Variants in PARD3B observed in about 807,000 individuals in gnomAD.
PARD3B encodes par-3 family cell polarity regulator beta, also known as partitioning defective 3 homolog B.
PARD3B carries 103 observed loss-of-function variants against 130.2 expected under a neutral mutation model. The ratio of observed to expected loss-of-function variants is 0.79; its 90% CI spans 0.67 to 0.93. The LOEUF is 0.93. PARD3B is among the 40% of genes least tolerant of loss of function. The pLI, the probability that PARD3B is intolerant of heterozygous loss-of-function variation, is 0.00. For missense variants in PARD3B, 1,609 were observed against 1,499.2 expected (o/e 1.07, Z -1.21); for synonymous variants, 583 against 553.2 (o/e 1.05, Z -0.76).
intron 2 of PARD3B, 150 bp downstream of exon 2, chr2:204,686,432 T>C: frequency 1.6e-6 from 1 of 630,200 alleles, no homozygotes; most frequent in Non-Finnish European, 2.8e-6. Flanking sequence ...AAATCAAAGT[T>C]CTTCATCAGA....
intron 3 of PARD3B, among the ~76,000 whole-genome samples, chr2:205,037,013 A>C (rs1441166786): frequency 6.6e-6 from 1 of 150,440 alleles, no homozygotes. Flanking sequence ...ATATATAAAA[A>C]ATATATACAT....
chr2:205,031,356 G>A (rs1005528035), intron 3 of PARD3B, among the ~76,000 whole-genome samples: 3 of 152,162 alleles, frequency 2.0e-5, no homozygotes, highest in African/African-American at 7.2e-5. Context: ...GCTTATAAGG[G>A]CAATTCCTCC....
chr2:204,893,091 G>A (rs2046509025), intron 2 of PARD3B, among the ~76,000 whole-genome samples: 1 of 152,168 alleles, frequency 6.6e-6, no homozygotes, highest in African/African-American at 2.4e-5. Context: ...CTATGTGTCA[G>A]AGAAAGGTTG....
At position 205,078,678 on chromosome 2, in the gene PARD3B, G is replaced by T. The variant is rs928208579; in HGVS notation, c.505-25748G>T. Among the ~76,000 whole-genome samples, 12 of 152,140 alleles carry T rather than the reference G, an allele frequency of 7.9e-5. No homozygotes were observed. The highest frequency in any genetic ancestry group is 2.9e-4 in the African/African-American group (12 of 41,418). Reference sequence around the variant, plus strand: ...TCTAATGTCCTCTCTTCTTGAATCTGGACTGGCCCAGTGACTTAATTGAAA... The same window carrying T: ...TCTAATGTCCTCTCTTCTTGAATCTTGACTGGCCCAGTGACTTAATTGAAA... On this transcript the variant is annotated intron_variant, in intron 4 of 22. Transcript: ENST00000406610. The surrounding 1 kb of genome is among the most constrained non-coding windows in gnomAD (Gnocchi z 4.0).
rs1436063109 is a variant in PARD3B at position 205,183,101 on chromosome 2, A to C, written c.1925-2663A>C. Among the ~76,000 whole-genome samples the C allele has an allele frequency of 1.3e-5, 2 of 152,122 alleles. No individual in the cohort carries two copies. The highest frequency in any genetic ancestry group is 4.8e-5 in the African/African-American group (2 of 41,428). On this transcript the variant is annotated intron_variant, in intron 13 of 22. Coordinates refer to ENST00000406610, the MANE Select transcript of PARD3B (RefSeq NM_001302769.2). The surrounding 1 kb of genome is among the most constrained non-coding windows in gnomAD (Gnocchi z 5.2). Reference sequence around the variant, plus strand: ...GCAACAGCGAAGGCTTCATAGTAAAAGTGATATTTGGGTGGACCTTGGGAG... The same window carrying C: ...GCAACAGCGAAGGCTTCATAGTAAACGTGATATTTGGGTGGACCTTGGGAG...
intron 2 of PARD3B, among the ~76,000 whole-genome samples, chr2:204,846,402 G>A (rs1456544711): frequency 6.6e-6 from 1 of 151,994 alleles, no homozygotes; most frequent in East Asian, 1.9e-4. Context: ...CTAGGTATCT[G>A]TTCTAGAGAA....
rs1303992754 is a variant in PARD3B, at chr2:205,589,990, TC to T, written c.3261-25461del. On this transcript the variant is annotated intron_variant, in intron 22 of 22. Transcript: ENST00000406610. The surrounding 1 kb of genome is among the most constrained non-coding windows in gnomAD (Gnocchi z 4.1). ...AGCATAAGCTGCAACAAAGCTTTTCTCCCCCAAGGTGGTTTCCAAAGTGAAT... is the reference window on the plus strand; with the variant it reads ...AGCATAAGCTGCAACAAAGCTTTTCTCCCCAAGGTGGTTTCCAAAGTGAAT... Among the ~76,000 whole-genome samples, 5 of 152,154 alleles carry T rather than the reference TC, an allele frequency of 3.3e-5. No individual in the cohort carries two copies. Among genetic ancestry groups the T allele is most frequent in the African/African-American group, 9.7e-5 (4 of 41,430 alleles).
At chr2:204,809,820 A>C (rs867918056) in intron 2 of PARD3B, among the ~76,000 whole-genome samples, 6 of 152,206 alleles carry the variant, frequency 3.9e-5, no homozygotes, top group Middle Eastern at 3.4e-3. Context: ...TGAATCTGTA[A>C]GTTGCTTTGG....
chr2:205,221,837 C>T (rs935110673), intron 15 of PARD3B, among the ~76,000 whole-genome samples: 1 of 152,158 alleles, frequency 6.6e-6, no homozygotes, highest in Non-Finnish European at 1.5e-5. Context: ...TTTCCAGGTG[C>T]GTGAGACTCT....
In PARD3B at chr2:204,834,923, A is replaced by C. The variant is rs546096000; in HGVS notation, c.223-130229A>C. Among the ~76,000 whole-genome samples, 448 of 152,332 alleles carry C rather than the reference A, an allele frequency of 2.9e-3. 1 individual carries two copies. The highest frequency in any genetic ancestry group is 1.0e-2 in the African/African-American group (414 of 41,578). On this transcript the variant is annotated intron_variant, in intron 2 of 22. Coordinates refer to ENST00000406610, the MANE Select transcript of PARD3B (RefSeq NM_001302769.2). ...GATTGCAATAGTGTGATGTGGTTGA[A>C]AAAGCACTAGGTTTAGAGCTAGAAC...
chr2:204,600,418 A>G (rs1276404434), intron 1 of PARD3B, among the ~76,000 whole-genome samples: 1 of 151,550 alleles, frequency 6.6e-6, no homozygotes, highest in Admixed American at 6.6e-5. Flanking sequence ...TTTATTGAAG[A>G]GATTGTTCTT....
intron 20 of PARD3B, among the ~76,000 whole-genome samples, chr2:205,454,107 C>T (rs2048193755): frequency 6.6e-6 from 1 of 152,114 alleles, no homozygotes; most frequent in African/African-American, 2.4e-5. Context: ...TATCAGAAGC[C>T]TTGGGCTTTG....
At chr2:205,553,459 G>A (rs2052739852) in intron 22 of PARD3B, 56 bp downstream of exon 22, 3 of 1,534,512 alleles carry the variant, frequency 2.0e-6, no homozygotes, top group Admixed American at 3.4e-5. Flanking sequence ...AGTCTTTAGA[G>A]AAGTCTACAT....
At chr2:205,445,328 ACCTGTGAC>A (rs1342987956) in intron 20 of PARD3B, among the ~76,000 whole-genome samples, 1 of 152,182 alleles carries the variant, frequency 6.6e-6, no homozygotes, top group Non-Finnish European at 1.5e-5. Flanking sequence ...ATAATGAGAT[ACCTGTGAC>A]TGGGTAATTT....
intron 4 of PARD3B, among the ~76,000 whole-genome samples, chr2:205,096,935 C>T (rs907040606): frequency 5.3e-5 from 8 of 152,058 alleles, no homozygotes; most frequent in African/African-American, 1.9e-4. Context: ...CTTTTCCTTA[C>T]CCTGTTTGCC....
chr2:205,161,154 G>C (rs537329541), intron 11 of PARD3B, among the ~76,000 whole-genome samples: 2 of 152,200 alleles, frequency 1.3e-5, no homozygotes, highest in African/African-American at 4.8e-5. Flanking sequence ...AAACATCTTA[G>C]CTTTTTTATG....
At chr2:205,478,672 A>G (rs1165517294) in intron 20 of PARD3B, among the ~76,000 whole-genome samples, 1 of 152,210 alleles carries the variant, frequency 6.6e-6, no homozygotes, top group Non-Finnish European at 1.5e-5. Context: ...TAATCAGAGT[A>G]GAGTGCTATT....
At chr2:205,419,888 T>C (rs964714246) in intron 19 of PARD3B, among the ~76,000 whole-genome samples, 12 of 152,182 alleles carry the variant, frequency 7.9e-5, no homozygotes, top group Non-Finnish European at 1.5e-4. Flanking sequence ...TGGAGAAGGA[T>C]GGTCTTCAAA....
At chr2:205,050,500 A>G (rs561495789) in intron 4 of PARD3B, among the ~76,000 whole-genome samples, 1 of 152,154 alleles carries the variant, frequency 6.6e-6, no homozygotes, top group African/African-American at 2.4e-5. Flanking sequence ...CACTAGCCAC[A>G]TGTGGCTATT....
Sources: allele counts gnomAD v4.1 joint callset (sites outside exome capture counted in the v4.1 genomes callset), GRCh38; gene constraint gnomAD v4.1.1; non-coding constraint Gnocchi (gnomAD v3.1); transcripts MANE v1.5; gene names NCBI Gene and HGNC (gene_info 2026-07-23, HGNC 2026-07-21).